The following BBS9 variants were observed in gnomAD, a reference collection of about 807,000 sequenced individuals.
BBS9 encodes the protein Bardet-Biedl syndrome 9.
A neutral mutation model predicts 117.7 loss-of-function variants in BBS9; 89 were observed. That is an observed-to-expected ratio of 0.76 (90% CI 0.64 to 0.90). The LOEUF (loss-of-function observed/expected upper bound fraction) is 0.90. Among genes scored for constraint, BBS9 ranks in the 40% least tolerant of loss-of-function variants. BBS9 has a pLI of 0.00. For synonymous variants in BBS9, 379 were observed against 370.9 expected (o/e 1.02, Z -0.25); for missense variants, 982 against 1,042.2 (o/e 0.94, Z 0.80).
intron 5 of BBS9, among the ~76,000 whole-genome samples, chr7:33,196,029 A>T (rs918084911): frequency 1.3e-5 from 2 of 152,168 alleles, no homozygotes; most frequent in African/African-American, 4.8e-5. Flanking sequence ...ATATGAGCAT[A>T]GTGGAATATT....
At position 33,483,556 on chromosome 7, in the gene BBS9, T is replaced by G. The variant is rs546520215; in HGVS notation, c.2116-21907T>G. Reference sequence around the variant, plus strand: ...CATCAAGGTCATATCTAGGAAACATTTTGATGTTTACCACTGAATTCAGTA... The same window carrying G: ...CATCAAGGTCATATCTAGGAAACATGTTGATGTTTACCACTGAATTCAGTA... On this transcript the variant is annotated intron_variant, in intron 19 of 22. Coordinates refer to ENST00000242067, the MANE Select transcript of BBS9 (RefSeq NM_198428.3). Among the ~76,000 whole-genome samples the G allele has an allele frequency of 2.0e-5, 3 of 152,288 alleles. No homozygotes were observed. The South Asian group carries it at 6.2e-4, about 32-fold the overall frequency.
chr7:33,349,283 C>A, intron 13 of BBS9, 113 bp downstream of exon 13: 1 of 786,810 alleles, frequency 1.3e-6, no homozygotes. Context: ...TGGGATCGTC[C>A]CAAAATCAAT....
intron 19 of BBS9, among the ~76,000 whole-genome samples, chr7:33,501,479 A>G (rs1479739794): frequency 6.6e-6 from 1 of 152,152 alleles, no homozygotes; most frequent in Non-Finnish European, 1.5e-5. Context: ...AATATATCCA[A>G]TGAGACTGAG....
At chr7:33,419,499 C>A (rs1832534495) in intron 19 of BBS9, among the ~76,000 whole-genome samples, 2 of 152,020 alleles carry the variant, frequency 1.3e-5, no homozygotes, top group South Asian at 2.1e-4. Flanking sequence ...TTCATTGTCA[C>A]CTTATATAAA....
At chr7:33,135,092 C>G (rs1790260308) in intron 1 of BBS9, among the ~76,000 whole-genome samples, 1 of 152,194 alleles carries the variant, frequency 6.6e-6, no homozygotes, top group African/African-American at 2.4e-5. Context: ...GGGGTCTCAT[C>G]ATGTTGCACA....
intron 15 of BBS9, among the ~76,000 whole-genome samples, chr7:33,356,062 T>C (rs1007633119): frequency 2.0e-5 from 3 of 151,826 alleles, no homozygotes; most frequent in African/African-American, 7.2e-5. Context: ...TACAGAATTG[T>C]CAGAAAAGGA....
chr7:33,568,957 A>T (rs1306133245), intron 21 of BBS9, among the ~76,000 whole-genome samples: 3 of 152,164 alleles, frequency 2.0e-5, no homozygotes, highest in African/African-American at 7.2e-5. Flanking sequence ...GGAGGGTGCA[A>T]TTCTTTTCTG....
intron 16 of BBS9, among the ~76,000 whole-genome samples, chr7:33,364,079 G>A (rs1821185404): frequency 1.1e-5 from 1 of 88,398 alleles, no homozygotes; most frequent in Non-Finnish European, 2.3e-5. Context: ...CTCCCGAGTA[G>A]CTGGGACTAC....
chr7:33,370,635 C>T (rs113116142), intron 17 of BBS9, among the ~76,000 whole-genome samples: 5 of 152,258 alleles, frequency 3.3e-5, no homozygotes, highest in African/African-American at 7.2e-5. Flanking sequence ...TCTATAATTT[C>T]GAGTGATTCA....
At chr7:33,332,189 A>G (rs1019166950) in intron 9 of BBS9, among the ~76,000 whole-genome samples, 8 of 148,582 alleles carry the variant, frequency 5.4e-5, no homozygotes, top group African/African-American at 1.9e-4. Context: ...ATACAAAAAC[A>G]TAAATTCAGT....
intron 9 of BBS9, among the ~76,000 whole-genome samples, chr7:33,308,964 G>A (rs1250496657): frequency 6.6e-6 from 1 of 152,050 alleles, no homozygotes; most frequent in Non-Finnish European, 1.5e-5. Context: ...GTTGCTTTTT[G>A]GCACAAGGAA....
intron 5 of BBS9, among the ~76,000 whole-genome samples, chr7:33,207,046 GA>G (rs1368890378): frequency 1.3e-5 from 2 of 152,056 alleles, no homozygotes; most frequent in Non-Finnish European, 2.9e-5. Context: ...ATCCTGTCAA[GA>G]ATAGGTGATA....
At chr7:33,330,777 T>G (rs1052336154) in intron 9 of BBS9, among the ~76,000 whole-genome samples, 2 of 152,188 alleles carry the variant, frequency 1.3e-5, no homozygotes, top group Non-Finnish European at 1.5e-5. Context: ...TGACCCTGAT[T>G]CTTCATAAAG....
rs111865964 is a variant in BBS9, at chr7:33,571,152, A to G, written c.2522-33713A>G. On this transcript the variant is annotated intron_variant, in intron 21 of 22. Transcript: ENST00000242067. ...AAACTCATTGTACTATTTTGTTTTCAATCTTGCTCTAAAATTATTTAAAAC... is the reference window on the plus strand; with the variant it reads ...AAACTCATTGTACTATTTTGTTTTCGATCTTGCTCTAAAATTATTTAAAAC... Among the ~76,000 whole-genome samples, 1,040 of 152,274 alleles carry G rather than the reference A, an allele frequency of 6.8e-3. 14 individuals are homozygous for G. Among genetic ancestry groups the G allele is most frequent in the African/African-American group, 0.023 (964 of 41,562 alleles).
intron 9 of BBS9, among the ~76,000 whole-genome samples, chr7:33,299,709 C>T (rs920198624): frequency 3.2e-4 from 49 of 151,874 alleles, no homozygotes; most frequent in African/African-American, 1.1e-3. Flanking sequence ...ATCAATCAGG[C>T]ACTGGGCTAA....
At chr7:33,180,117 C>T (rs573585594) in intron 5 of BBS9, among the ~76,000 whole-genome samples, 15 of 152,142 alleles carry the variant, frequency 9.9e-5, no homozygotes, top group South Asian at 2.1e-4. Flanking sequence ...GTTCCATAAC[C>T]GTCTTTCCTG....
chr7:33,527,282 C>T (rs7805830), intron 20 of BBS9, among the ~76,000 whole-genome samples: 4 of 152,262 alleles, frequency 2.6e-5, no homozygotes, highest in East Asian at 3.9e-4. Flanking sequence ...CCCCCCAGTT[C>T]GAGCTTCCTG....
intron 10 of BBS9, 30 bp from the exon 11 acceptor site, chr7:33,340,867 T>C (rs367945082): frequency 4.2e-5 from 67 of 1,584,942 alleles, no homozygotes; most frequent in Non-Finnish European, 6.1e-6. Context: ...TACTTTATGA[T>C]TAAATAATTT....
chr7:33,589,706 A>T (rs902711504), intron 21 of BBS9, among the ~76,000 whole-genome samples: 2 of 151,994 alleles, frequency 1.3e-5, no homozygotes, highest in Admixed American at 6.6e-5. Flanking sequence ...ATAAGAGTAA[A>T]GTTTGGGACA....
Sources: gnomAD v4.1 joint callset for allele counts (sites outside exome capture counted in the v4.1 genomes callset) on GRCh38, gnomAD v4.1.1 for gene constraint, MANE v1.5 for transcripts, NCBI Gene and HGNC (gene_info 2026-07-23, HGNC 2026-07-21) for gene names.